Variants in DCDC2 observed in about 807,000 individuals in gnomAD.
The protein encoded by DCDC2 is doublecortin domain-containing protein 2.
Under a neutral mutation model 50.2 loss-of-function variants are expected in DCDC2, and 40 were observed. The observed-to-expected ratio is 0.80, with a 90% CI of 0.62 to 1.04. The LOEUF (loss-of-function observed/expected upper bound fraction) is 1.04. DCDC2 is among the 50% of genes least tolerant of loss of function. DCDC2 has a pLI of 0.00. For synonymous variants in DCDC2, 234 were observed against 210.6 expected (o/e 1.11, Z -0.96); for missense variants, 570 against 581.9 (o/e 0.98, Z 0.21).
In DCDC2 at chr6:24,228,785, G is replaced by C. The variant is rs573030787; in HGVS notation, c.923-23683C>G. ...ATCACATCTTGGGTCTTGCCATCCT[G>C]AGTCTGGTTTTGTGAGCTCGTGGTC... On this transcript the variant is annotated intron_variant, in intron 7 of 9. Coordinates refer to ENST00000378454, the MANE Select transcript of DCDC2 (RefSeq NM_016356.5). 2.6e-5 allele frequency among the ~76,000 whole-genome samples: 4 copies of C among 152,268 alleles called. No homozygotes were observed. The East Asian group carries it at 7.7e-4, about 29-fold the overall frequency.
intron 7 of DCDC2, among the ~76,000 whole-genome samples, chr6:24,274,826 TA>T (rs1763317834): frequency 6.6e-6 from 1 of 151,962 alleles, no homozygotes; most frequent in Non-Finnish European, 1.5e-5. Context: ...TCTTTTTTTC[TA>T]ATTCAAATGA....
At chr6:24,184,454 A>G (rs1236201398) in intron 8 of DCDC2, among the ~76,000 whole-genome samples, 1 of 152,036 alleles carries the variant, frequency 6.6e-6, no homozygotes, top group Admixed American at 6.6e-5. Context: ...CATATCTGTA[A>G]TCCCAGCCAC....
intron 2 of DCDC2, among the ~76,000 whole-genome samples, chr6:24,344,249 AC>A (rs1187126481): frequency 6.6e-6 from 1 of 152,222 alleles, no homozygotes; most frequent in Non-Finnish European, 1.5e-5. Flanking sequence ...ATTTGCAAAA[AC>A]ACAGATGAGC....
intron 1 of DCDC2, chr6:24,357,193 CT>C: frequency 2.8e-6 from 1 of 361,010 alleles, no homozygotes; most frequent in Non-Finnish European, 4.9e-6. Context: ...GCAAGGATAC[CT>C]TTTTATTTTC....
chr6:24,205,263 C>A (rs1300888797), intron 7 of DCDC2, 161 bp from the exon 8 acceptor site: 45 of 1,561,066 alleles, frequency 2.9e-5, no homozygotes, highest in Non-Finnish European at 3.9e-5. Flanking sequence ...CACACCACCC[C>A]CAGTTGTTCC....
chr6:24,381,866 A>AG, the DCDC2 span, among the ~76,000 whole-genome samples: 32 of 72,024 alleles, frequency 4.4e-4, no homozygotes, highest in African/African-American at 1.3e-3. Context: ...AAGGAGAAAT[A>AG]AAAGAAAGAA....
At chr6:24,329,501 C>T (rs1759930157) in intron 2 of DCDC2, among the ~76,000 whole-genome samples, 1 of 152,116 alleles carries the variant, frequency 6.6e-6, no homozygotes, top group Non-Finnish European at 1.5e-5. Context: ...TATAATGGTA[C>T]GGTAAGAAAG....
intron 8 of DCDC2, among the ~76,000 whole-genome samples, chr6:24,203,148 A>G (rs1211787005): frequency 6.6e-6 from 1 of 152,202 alleles, no homozygotes; most frequent in Non-Finnish European, 1.5e-5. Flanking sequence ...TAAAGTTCAT[A>G]TGGGACCAAA....
chr6:24,176,800 T>A (rs1261747323), intron 9 of DCDC2, among the ~76,000 whole-genome samples: 1 of 152,238 alleles, frequency 6.6e-6, no homozygotes, highest in Admixed American at 6.5e-5. Context: ...ACCACCATTC[T>A]ACCTTCTACT....
At chr6:24,364,536 T>C in the DCDC2 span, among the ~76,000 whole-genome samples, 11 of 152,216 alleles carry the variant, frequency 7.2e-5, no homozygotes, top group Non-Finnish European at 1.3e-4. Context: ...TATGTATAAA[T>C]TCCCTAAGGA....
Position 24,285,414 on chromosome 6 carries a change from T to C in DCDC2, c.759+3438A>G, listed in dbSNP as rs75307812. On this transcript the variant is annotated intron_variant, in intron 6 of 9. Transcript: ENST00000378454. ...TCTTTTATTGTCTTTCATATTACTG[T>C]GCACTTTTCTTTCATTTTTATACTT... Among the ~76,000 whole-genome samples, 1,387 of 152,302 alleles carry C rather than the reference T, an allele frequency of 9.1e-3. 11 individuals carry two copies. The highest frequency in any genetic ancestry group is 0.018 in the African/African-American group (738 of 41,560).
intron 7 of DCDC2, among the ~76,000 whole-genome samples, chr6:24,270,112 G>A (rs1319352856): frequency 3.9e-5 from 6 of 151,994 alleles, no homozygotes; most frequent in Admixed American, 6.6e-5. Context: ...ACACACACAC[G>A]AGAGCTTCCC....
At chr6:24,311,990 C>T (rs13202144) in intron 2 of DCDC2, among the ~76,000 whole-genome samples, 55 of 152,302 alleles carry the variant, frequency 3.6e-4, no homozygotes, top group East Asian at 1.2e-3. Flanking sequence ...GTGAAAATAG[C>T]CAGTTCCTGC....
chr6:24,254,590 C>A (rs910909104), intron 7 of DCDC2, among the ~76,000 whole-genome samples: 4 of 151,982 alleles, frequency 2.6e-5, no homozygotes, highest in Non-Finnish European at 5.9e-5. Flanking sequence ...ATAGTACATC[C>A]CAAACTTAAC....
upstream of DCDC2, among the ~76,000 whole-genome samples, chr6:24,362,416 T>TATTTTTTATTTAATTGTATATTTATACA (rs1760683479): frequency 7.1e-6 from 1 of 141,762 alleles, no homozygotes; most frequent in African/African-American, 2.6e-5. Flanking sequence ...TTTATACAAT[T>TATTTTTTATTTAATTGTATATTTATACA]ATTTTTTATT....
chr6:24,175,054 T>C (rs1018014639), intron 9 of DCDC2, among the ~76,000 whole-genome samples: 2 of 152,126 alleles, frequency 1.3e-5, no homozygotes, highest in Non-Finnish European at 2.9e-5. Context: ...CATAATCTAC[T>C]AGTGCTTGAA....
intron 6 of DCDC2, among the ~76,000 whole-genome samples, chr6:24,284,380 G>A (rs1763545435): frequency 6.6e-6 from 1 of 152,038 alleles, no homozygotes; most frequent in Non-Finnish European, 1.5e-5. Context: ...GGCCGAGGCA[G>A]GTGGATCATG....
At chr6:24,321,476 A>G (rs1015483253) in intron 2 of DCDC2, among the ~76,000 whole-genome samples, 4 of 152,228 alleles carry the variant, frequency 2.6e-5, no homozygotes, top group African/African-American at 9.7e-5. Flanking sequence ...CATGTACTGC[A>G]AGGACAAATA....
chr6:24,372,560 T>C, the DCDC2 span, among the ~76,000 whole-genome samples: 493 of 152,142 alleles, frequency 3.2e-3, 1 homozygote, highest in Non-Finnish European at 6.5e-3. Context: ...ATGTGGCACA[T>C]ATACACCATG....
Sources: gnomAD v4.1 joint callset for allele counts (sites outside exome capture counted in the v4.1 genomes callset) on GRCh38, gnomAD v4.1.1 for gene constraint, MANE v1.5 for transcripts, NCBI Gene and HGNC (gene_info 2026-07-23, HGNC 2026-07-21) for gene names.